CSMD1: variants seen among roughly 807,000 people sequenced by gnomAD.
CSMD1 encodes CUB and Sushi multiple domains 1.
CSMD1 carries 213 observed loss-of-function variants against 417.5 expected under a neutral mutation model. The observed-to-expected ratio is 0.51, with a 90% CI of 0.46 to 0.57. CSMD1 has a LOEUF of 0.57. Ranked by LOEUF, CSMD1 falls within the 20% of genes least tolerant of loss-of-function variation. The pLI, the probability that CSMD1 is intolerant of heterozygous loss-of-function variation, is 0.00. For missense variants in CSMD1, 6,923 were observed against 4,529.7 expected (o/e 1.53, Z -15.17); for synonymous variants, 2,862 against 1,736.8 (o/e 1.65, Z -16.11).
At chr8:3,757,999 T>G (rs1010154711) in intron 5 of CSMD1, among the ~76,000 whole-genome samples, 2 of 152,178 alleles carry the variant, frequency 1.3e-5, no homozygotes, top group African/African-American at 4.8e-5. Context: ...AGTCTTGCTC[T>G]GTCACCCAGG....
At chr8:3,274,277 A>C (rs1370963746) in intron 26 of CSMD1, among the ~76,000 whole-genome samples, 1 of 151,998 alleles carries the variant, frequency 6.6e-6, no homozygotes, top group Non-Finnish European at 1.5e-5. Flanking sequence ...GTTTGATTGC[A>C]CTGTGGTCTG....
chr8:3,491,076 T>C (rs895699), intron 11 of CSMD1, among the ~76,000 whole-genome samples: 18,012 of 152,092 alleles, frequency 0.12, 1,375 homozygotes, highest in East Asian at 0.26. Context: ...AGCAAAAAAG[T>C]ATGCCAATGT....
chr8:4,384,966 G>T (rs562329794), intron 3 of CSMD1, among the ~76,000 whole-genome samples: 1 of 152,268 alleles, frequency 6.6e-6, no homozygotes, highest in East Asian at 1.9e-4. Context: ...TGTCACCCAG[G>T]ATGGAGTGCA....
intron 1 of CSMD1, among the ~76,000 whole-genome samples, chr8:4,941,602 A>ATTTT (rs374080413): frequency 6.7e-6 from 1 of 150,140 alleles, no homozygotes. Flanking sequence ...TTAATTTTTA[A>ATTTT]TTTTTATTTT....
At chr8:3,586,508 A>C (rs1225258626) in intron 8 of CSMD1, among the ~76,000 whole-genome samples, 1 of 152,162 alleles carries the variant, frequency 6.6e-6, no homozygotes, top group East Asian at 1.9e-4. Flanking sequence ...ATGAACCTTA[A>C]CTTGTCATGA....
chr8:3,601,090 C>T (rs1801339605), intron 8 of CSMD1, among the ~76,000 whole-genome samples: 1 of 152,146 alleles, frequency 6.6e-6, no homozygotes, highest in Non-Finnish European at 1.5e-5. Flanking sequence ...GTCATACATG[C>T]TAGAAACCTC....
chr8:3,945,695 T>G (rs2980783), intron 5 of CSMD1, among the ~76,000 whole-genome samples: 1 of 152,102 alleles, frequency 6.6e-6, no homozygotes, highest in Non-Finnish European at 1.5e-5. Context: ...AGATAGCTCA[T>G]CGACATTTAA....
chr8:4,316,846 G>A (rs955273023), intron 3 of CSMD1, among the ~76,000 whole-genome samples: 6 of 152,120 alleles, frequency 3.9e-5, no homozygotes, highest in South Asian at 2.1e-4. Context: ...ATTGGTAGCT[G>A]CTTCTATTAG....
chr8:4,252,570 T>C (rs750856810), intron 3 of CSMD1, among the ~76,000 whole-genome samples: 1 of 152,214 alleles, frequency 6.6e-6, no homozygotes, highest in Non-Finnish European at 1.5e-5. Flanking sequence ...AAACTGCTAC[T>C]TACCTACACA....
At chr8:4,122,760 T>C (rs751557469) in intron 3 of CSMD1, among the ~76,000 whole-genome samples, 1 of 152,220 alleles carries the variant, frequency 6.6e-6, no homozygotes, top group South Asian at 2.1e-4. Context: ...GGAAGATTTC[T>C]GGCTCTTATC....
At chr8:3,632,278 T>C (rs1017484687) in intron 7 of CSMD1, among the ~76,000 whole-genome samples, 1 of 152,160 alleles carries the variant, frequency 6.6e-6, no homozygotes, top group Non-Finnish European at 1.5e-5. Context: ...ATCAACAGTG[T>C]TGGTTGGAGG....
intron 26 of CSMD1, among the ~76,000 whole-genome samples, chr8:3,262,968 T>G (rs185773396): frequency 1.4e-4 from 21 of 152,326 alleles, no homozygotes; most frequent in Admixed American, 1.2e-3. Context: ...AGACGTAATA[T>G]TCAAGAAGTA....
At chr8:4,195,394 A>T (rs191694721) in intron 3 of CSMD1, among the ~76,000 whole-genome samples, 1 of 152,322 alleles carries the variant, frequency 6.6e-6, no homozygotes, top group Non-Finnish European at 1.5e-5. Context: ...TAAAATTATA[A>T]AATCTGTTTG....
At position 4,917,703 on chromosome 8, in the gene CSMD1, C is replaced by T. The variant is rs115649071; in HGVS notation, c.85+76629G>A. On this transcript the variant is annotated intron_variant, in intron 1 of 69. Coordinates refer to ENST00000635120, the MANE Select transcript of CSMD1 (RefSeq NM_033225.6). The stretch of plus-strand genomic sequence containing the variant: ...ATTTGGATGGGGGCATAGAGACAAA[C>T]CGTATCAGTGGGAACCCTAGAATGT... 6.1e-3 allele frequency among the ~76,000 whole-genome samples: 931 copies of T among 152,112 alleles called. 13 individuals carry two copies. The highest frequency in any genetic ancestry group is 0.021 in the African/African-American group (873 of 41,498).
intron 3 of CSMD1, among the ~76,000 whole-genome samples, chr8:4,276,910 T>G (rs372668520): frequency 6.6e-6 from 1 of 152,094 alleles, no homozygotes; most frequent in Non-Finnish European, 1.5e-5. Context: ...TGTAATAGAG[T>G]ACTGGAATTC....
chr8:4,191,442 C>A (rs1395045795), intron 3 of CSMD1, among the ~76,000 whole-genome samples: 3 of 151,872 alleles, frequency 2.0e-5, no homozygotes, highest in African/African-American at 7.3e-5. Context: ...ACACAAAAAA[C>A]AAACTAAAAA....
chr8:4,353,436 C>T (rs187909013), intron 3 of CSMD1, among the ~76,000 whole-genome samples: 30 of 152,142 alleles, frequency 2.0e-4, no homozygotes, highest in Admixed American at 1.6e-3. Flanking sequence ...TACCTATTCT[C>T]GAGTATGTCT....
chr8:3,630,062 A>AC (rs1796702835), intron 7 of CSMD1, among the ~76,000 whole-genome samples: 2 of 17,494 alleles, frequency 1.1e-4, no homozygotes, highest in Non-Finnish European at 1.5e-4. Context: ...TACATTAGAG[A>AC]TCAAAATCCC....
chr8:4,639,065 A>G (rs1563358896), intron 1 of CSMD1, among the ~76,000 whole-genome samples: 1 of 151,952 alleles, frequency 6.6e-6, no homozygotes, highest in Admixed American at 6.6e-5. Context: ...TATTTTTACC[A>G]CTAGACAAAC....
Sources: allele counts gnomAD v4.1 joint callset (sites outside exome capture counted in the v4.1 genomes callset), GRCh38; gene constraint gnomAD v4.1.1; transcripts MANE v1.5; gene names NCBI Gene and HGNC (gene_info 2026-07-23, HGNC 2026-07-21).